The following HDAC8 variants were observed in gnomAD, a reference collection of about 807,000 sequenced individuals.
HDAC8 encodes histone deacetylase-like 1.
Under a neutral mutation model 32.2 loss-of-function variants are expected in HDAC8, and 1 was observed. The ratio of observed to expected loss-of-function variants is 0.03; its 90% CI spans 0.01 to 0.15. HDAC8 has a LOEUF of 0.15. HDAC8 is among the 10% of genes least tolerant of loss of function. HDAC8 has a pLI of 1.00. For missense variants in HDAC8, 117 were observed against 300.0 expected (o/e 0.39, Z 4.51); for synonymous variants, 108 against 113.9 (o/e 0.95, Z 0.33).
chrX:72,512,680 C>T (rs1251856582), intron 4 of HDAC8, among the ~76,000 whole-genome samples: 3 of 110,830 alleles, frequency 2.7e-5, no homozygotes, highest in African/African-American at 3.3e-5. Context: ...CGTTGCAGAG[C>T]GTTGCAGAGC....
intron 9 of HDAC8, among the ~76,000 whole-genome samples, chrX:72,412,543 T>C (rs2046223541): frequency 8.9e-6 from 1 of 111,766 alleles, no homozygotes; most frequent in African/African-American, 3.3e-5. Context: ...GTTTTGATAA[T>C]ATCCTACAGG....
chrX:72,563,129 G>T (rs1034548508), intron 4 of HDAC8, among the ~76,000 whole-genome samples: 7 of 111,190 alleles, frequency 6.3e-5, no homozygotes, highest in Admixed American at 9.6e-5. Context: ...TGATCCACCT[G>T]CCTCGGCCTC....
intron 9 of HDAC8, among the ~76,000 whole-genome samples, chrX:72,400,804 C>G (rs1238938513): frequency 8.9e-6 from 1 of 112,008 alleles, no homozygotes; most frequent in East Asian, 2.8e-4. Context: ...CCTCTCACCC[C>G]CCTGAATGTT....
chrX:72,470,116 C>G (rs1410404855), intron 7 of HDAC8, among the ~76,000 whole-genome samples: 1 of 109,873 alleles, frequency 9.1e-6, no homozygotes, highest in Admixed American at 9.8e-5. Context: ...CTACTGCCCT[C>G]CAGCCTGGGC....
intron 4 of HDAC8, among the ~76,000 whole-genome samples, chrX:72,543,561 C>T (rs1033347688): frequency 4.0e-4 from 45 of 111,383 alleles, no homozygotes; most frequent in Admixed American, 3.7e-3. Context: ...GTCCCAATGT[C>T]CCGAGAGCCT....
At chrX:72,345,129 A>G (rs782662346) in intron 10 of HDAC8, among the ~76,000 whole-genome samples, 25 of 111,375 alleles carry the variant, frequency 2.2e-4, no homozygotes, top group East Asian at 5.6e-4. Flanking sequence ...ATATCTCCCA[A>G]TGGCACCAAC....
rs182198240 is a variant in HDAC8 at position 72,371,865 on chromosome X, G to T, written c.1006-20027C>A. 3.3e-4 allele frequency among the ~76,000 whole-genome samples: 37 copies of T among 112,041 alleles called. No individual in the cohort carries two copies. In the East Asian group the frequency reaches 8.1e-3, roughly 25 times the overall value. ...ACAAAACAAAGTCTCTGCCTTCAGGGAGCTCACATTTTAGTGGGAGGGGAC... is the reference window on the plus strand; with the variant it reads ...ACAAAACAAAGTCTCTGCCTTCAGGTAGCTCACATTTTAGTGGGAGGGGAC... On this transcript the variant is annotated intron_variant, in intron 9 of 10. Transcript: ENST00000373573.
chrX:72,564,938 C>T (rs2051724146), intron 4 of HDAC8, among the ~76,000 whole-genome samples: 1 of 112,037 alleles, frequency 8.9e-6, no homozygotes, highest in Admixed American at 9.5e-5. Flanking sequence ...AAATTTCTTG[C>T]AGGTAGAATT....
intron 4 of HDAC8, among the ~76,000 whole-genome samples, chrX:72,537,926 C>T (rs1397497772): frequency 9.0e-6 from 1 of 111,578 alleles, no homozygotes. Context: ...CCACTGAATT[C>T]TAGCAAAGAC....
At chrX:72,572,482 G>C in intron 1 of HDAC8, 169 bp downstream of exon 1, 3 of 437,611 alleles carry the variant, frequency 6.9e-6, no homozygotes, top group Non-Finnish European at 7.8e-6. Context: ...TCTCAGAAAC[G>C]ATATGAGAAC....
chrX:72,538,776 A>G (rs1175671267), intron 4 of HDAC8, among the ~76,000 whole-genome samples: 1 of 111,990 alleles, frequency 8.9e-6, no homozygotes, highest in African/African-American at 3.2e-5. Flanking sequence ...CGGTTCAGAC[A>G]TATCATAAAA....
intron 4 of HDAC8, among the ~76,000 whole-genome samples, chrX:72,531,609 A>G (rs1327842721): frequency 8.9e-6 from 1 of 111,831 alleles, no homozygotes; most frequent in Non-Finnish European, 1.9e-5. Context: ...CATTAACAAT[A>G]ACTACTCCCC....
chrX:72,387,227 C>T (rs1473151789), intron 9 of HDAC8, among the ~76,000 whole-genome samples: 2 of 111,942 alleles, frequency 1.8e-5, no homozygotes, highest in African/African-American at 6.5e-5. Context: ...CAGGGAGAAG[C>T]TGGGAGCCAT....
At chrX:72,342,972 C>G (rs879969672) in intron 10 of HDAC8, among the ~76,000 whole-genome samples, 1 of 111,413 alleles carries the variant, frequency 9.0e-6, no homozygotes, top group East Asian at 2.8e-4. Flanking sequence ...TCACATACCG[C>G]CTATGTGGAC....
rs782388094 is a variant in HDAC8 at position 72,361,949 on chromosome X, T to G, written c.1006-10111A>C. Among the ~76,000 whole-genome samples, 6 of 111,760 alleles carry G rather than the reference T, an allele frequency of 5.4e-5. No homozygotes were observed. The South Asian group carries it at 2.3e-3, about 42-fold the overall frequency. ...GTAATACAGTTAAGAGATATGAACT[T>G]GAACCAATGACTTTGAACTTCCCAT... On this transcript the variant is annotated intron_variant, in intron 9 of 10. Coordinates refer to ENST00000373573, the MANE Select transcript of HDAC8 (RefSeq NM_018486.3).
At chrX:72,490,871 T>C in intron 6 of HDAC8, 58 bp downstream of exon 6, 2 of 870,637 alleles carry the variant, frequency 2.3e-6, no homozygotes, top group South Asian at 2.1e-5. Flanking sequence ...ATAAGAAATG[T>C]GTAGAAGAAT....
chrX:72,423,446 A>G (rs192399557), intron 9 of HDAC8, among the ~76,000 whole-genome samples: 1 of 111,459 alleles, frequency 9.0e-6, no homozygotes, highest in Admixed American at 9.5e-5. Flanking sequence ...TTGTTTTTCA[A>G]TTTTTTATAT....
chrX:72,461,881 G>C, intron 9 of HDAC8, 123 bp downstream of exon 9: 2 of 487,379 alleles, frequency 4.1e-6, no homozygotes, highest in Non-Finnish European at 7.2e-6. Context: ...AAGACAGTGT[G>C]TTATTGTTAT....
chrX:72,541,040 C>G (rs1365842506), intron 4 of HDAC8, among the ~76,000 whole-genome samples: 1 of 111,334 alleles, frequency 9.0e-6, no homozygotes, highest in African/African-American at 3.3e-5. Flanking sequence ...AGCTTATGCT[C>G]TAGTGGTGGC....
Sources: allele counts gnomAD v4.1 joint callset (sites outside exome capture counted in the v4.1 genomes callset), GRCh38; gene constraint gnomAD v4.1.1; transcripts MANE v1.5; gene names NCBI Gene and HGNC (gene_info 2026-07-23, HGNC 2026-07-21).